Variants in DLGAP1 observed in about 807,000 individuals in gnomAD.
The protein encoded by DLGAP1 is disks large-associated protein 1.
Under a neutral mutation model 90.8 loss-of-function variants are expected in DLGAP1, and 11 were observed. The ratio of observed to expected loss-of-function variants is 0.12; its 90% confidence interval spans 0.08 to 0.20. DLGAP1 has a LOEUF of 0.20. Ranked by LOEUF, DLGAP1 falls within the 10% of genes least tolerant of loss-of-function variation. DLGAP1 has a pLI of 1.00. For synonymous variants in DLGAP1, 558 were observed against 540.7 expected, an observed-to-expected ratio of 1.03 and a Z score of -0.44; for missense variants, 1,050 against 1,333.8, an observed-to-expected ratio of 0.79 and a Z score of 3.31.
intron 9 of DLGAP1, among the ~76,000 whole-genome samples, chr18:3,536,650 G>C (rs546584184): frequency 6.6e-6 from 1 of 152,298 alleles, no homozygotes; most frequent in African/African-American, 2.4e-5. Flanking sequence ...TTCTCTATTA[G>C]GGTTCTGTAT....
In DLGAP1 at chr18:3,520,046, T is replaced by TA. The variant is rs2051083280; in HGVS notation, c.2480-11386_2480-11385insT. Among the ~76,000 whole-genome samples the TA allele has an allele frequency of 1.6e-4, 24 of 151,124 alleles. No homozygotes were observed. The South Asian group carries it at 1.9e-3, about 12-fold the overall frequency. ...TGTATCCCAGAACTTAAAGTAAAAT[T>TA]TAAAAAAAAATTACCCAGTCTTTGG... On this transcript the variant is annotated intron_variant, in intron 10 of 12. Coordinates refer to ENST00000315677, the MANE Select transcript of DLGAP1 (RefSeq NM_004746.4).
chr18:3,659,224 A>G (rs2059597511), intron 7 of DLGAP1, among the ~76,000 whole-genome samples: 2 of 152,172 alleles, frequency 1.3e-5, no homozygotes, highest in Admixed American at 1.3e-4. Context: ...CATTTATCTT[A>G]AAATGTAAAT....
chr18:4,268,048 A>C (rs1330824185), intron 1 of DLGAP1, among the ~76,000 whole-genome samples: 1 of 152,236 alleles, frequency 6.6e-6, no homozygotes, highest in Non-Finnish European at 1.5e-5. Context: ...GGTGGTGAGC[A>C]GAGGCCATCT....
At chr18:4,211,736 G>C (rs531718685) in intron 1 of DLGAP1, among the ~76,000 whole-genome samples, 18 of 152,132 alleles carry the variant, frequency 1.2e-4, no homozygotes, top group African/African-American at 4.3e-4. Context: ...AGTCTCTCGA[G>C]ACAAGGATAA....
intron 1 of DLGAP1, among the ~76,000 whole-genome samples, chr18:4,335,866 T>G (rs2081056950): frequency 6.6e-6 from 1 of 152,198 alleles, no homozygotes; most frequent in Non-Finnish European, 1.5e-5. Context: ...AAATTGAAAA[T>G]TCTATCAGCA....
chr18:3,552,569 G>T (rs1458340185), intron 9 of DLGAP1, among the ~76,000 whole-genome samples: 3 of 152,184 alleles, frequency 2.0e-5, no homozygotes, highest in Non-Finnish European at 4.4e-5. Flanking sequence ...GGCTGAGCGA[G>T]CCTAAGAAGG....
chr18:4,326,547 T>C (rs1041580318), intron 1 of DLGAP1, among the ~76,000 whole-genome samples: 2 of 152,148 alleles, frequency 1.3e-5, no homozygotes, highest in Non-Finnish European at 2.9e-5. Flanking sequence ...CACGCATATG[T>C]TCATTGCAGC....
At chr18:3,900,315 T>C (rs1161483552) in intron 3 of DLGAP1, among the ~76,000 whole-genome samples, 1 of 152,204 alleles carries the variant, frequency 6.6e-6, no homozygotes, top group Non-Finnish European at 1.5e-5. Context: ...CATTGTTGTT[T>C]CTCATCAGCT....
Position 3,976,247 on chromosome 18 carries a change from A to G in DLGAP1, c.-73+28869T>C, listed in dbSNP as rs1016935320. Among the ~76,000 whole-genome samples the G allele has an allele frequency of 6.7e-5, 10 of 150,336 alleles. No homozygotes were observed. In the South Asian group the frequency reaches 2.1e-3, roughly 31 times the overall value. ...GATAATTAGCCAGGTGTGGTGGTGC[A>G]TGCCTGTAATCCCAGCTCTTTGGGA... On this transcript the variant is annotated intron_variant, in intron 3 of 12. Coordinates refer to ENST00000315677, the MANE Select transcript of DLGAP1 (RefSeq NM_004746.4).
At chr18:4,435,762 ATTCT>A (rs2083385726) in intron 1 of DLGAP1, among the ~76,000 whole-genome samples, 1 of 152,244 alleles carries the variant, frequency 6.6e-6, no homozygotes, top group East Asian at 1.9e-4. Context: ...CAACTTCTGA[ATTCT>A]TTCTTTCACT....
chr18:3,600,969 G>GATAGATATAGATATATAGATAGATAT (rs2056965388), intron 7 of DLGAP1, among the ~76,000 whole-genome samples: 5 of 87,502 alleles, frequency 5.7e-5, no homozygotes, highest in South Asian at 3.3e-4. Flanking sequence ...TAGATATATA[G>GATAGATATAGATATATAGATAGATAT]ATAGATATAT....
intron 4 of DLGAP1, among the ~76,000 whole-genome samples, chr18:3,844,237 A>C (rs2068877521): frequency 6.6e-6 from 1 of 152,214 alleles, no homozygotes; most frequent in Non-Finnish European, 1.5e-5. Context: ...GAGGTCACCT[A>C]CTTTGTGAAC....
At chr18:3,701,967 C>T (rs768435314) in intron 7 of DLGAP1, among the ~76,000 whole-genome samples, 2 of 152,018 alleles carry the variant, frequency 1.3e-5, no homozygotes, top group Non-Finnish European at 2.9e-5. Flanking sequence ...GCCAAGATAT[C>T]GGGGTAAGGT....
intron 2 of DLGAP1, among the ~76,000 whole-genome samples, chr18:4,059,707 A>G (rs1056615382): frequency 3.5e-5 from 5 of 141,874 alleles, no homozygotes; most frequent in Non-Finnish European, 6.1e-5. Context: ...GCAAAACTCC[A>G]TCTCAAAAAT....
At chr18:3,902,051 A>C (rs372698532) in intron 3 of DLGAP1, among the ~76,000 whole-genome samples, 1 of 152,240 alleles carries the variant, frequency 6.6e-6, no homozygotes, top group South Asian at 2.1e-4. Context: ...AGCTGCCTAG[A>C]GCACAGAACC....
At chr18:4,313,759 G>T (rs958617389) in intron 1 of DLGAP1, among the ~76,000 whole-genome samples, 7 of 152,126 alleles carry the variant, frequency 4.6e-5, no homozygotes, top group African/African-American at 1.7e-4. Flanking sequence ...ATAACAAGTT[G>T]AACTTCACTA....
chr18:4,402,560 A>G (rs2082577744), intron 1 of DLGAP1, among the ~76,000 whole-genome samples: 1 of 152,190 alleles, frequency 6.6e-6, no homozygotes, highest in African/African-American at 2.4e-5. Flanking sequence ...GGGTGAAATG[A>G]CATTTTCAAG....
chr18:4,448,848 C>G (rs1400372695), intron 1 of DLGAP1, among the ~76,000 whole-genome samples: 1 of 152,202 alleles, frequency 6.6e-6, no homozygotes, highest in Non-Finnish European at 1.5e-5. Flanking sequence ...CAACCCACAT[C>G]TACGTACCTA....
intron 1 of DLGAP1, among the ~76,000 whole-genome samples, chr18:4,323,199 A>G (rs1158166185): frequency 6.6e-6 from 1 of 152,210 alleles, no homozygotes. Flanking sequence ...AATGCTCATC[A>G]TAACTCTCAT....
Sources: allele counts gnomAD v4.1 joint callset (sites outside exome capture counted in the v4.1 genomes callset), GRCh38; gene constraint gnomAD v4.1.1; transcripts MANE v1.5; gene names NCBI Gene and HGNC (gene_info 2026-07-23, HGNC 2026-07-21).